CDK6: variants seen among roughly 807,000 people sequenced by gnomAD.
The protein encoded by CDK6 is cyclin dependent kinase 6.
Under a neutral mutation model 37.1 loss-of-function variants are expected in CDK6, and 6 were observed. The observed-to-expected ratio is 0.16, with a 90% CI of 0.09 to 0.32. The LOEUF is 0.32. CDK6 is among the 10% of genes least tolerant of loss of function. CDK6 has a pLI of 1.00. For synonymous variants in CDK6, 160 were observed against 161.3 expected, an observed-to-expected ratio of 0.99 and a Z score of 0.06; for missense variants, 224 against 418.9, an observed-to-expected ratio of 0.53 and a Z score of 4.06.
chr7:92,664,079 T>C (rs1274621510), intron 5 of CDK6, among the ~76,000 whole-genome samples: 1 of 151,804 alleles, frequency 6.6e-6, no homozygotes, highest in Non-Finnish European at 1.5e-5. Flanking sequence ...AGGCGGAACT[T>C]GCAGTGAGCC....
In CDK6 at chr7:92,611,700, T is replaced by C. The variant is rs544309707; in HGVS notation, c.*3440A>G. Reference sequence around the variant, plus strand: ...ACATTCTGGAGAGTCAAACTATACATTTCTCTATAGAAAAGAAACATGCTT... The same window carrying C: ...ACATTCTGGAGAGTCAAACTATACACTTCTCTATAGAAAAGAAACATGCTT... On this transcript the variant is annotated 3_prime_UTR_variant, in exon 8 of 8. Coordinates refer to ENST00000424848, the MANE Select transcript of CDK6 (RefSeq NM_001145306.2). The C allele has an allele frequency of 3.5e-4, 80 of 229,432 alleles. No homozygotes were observed. Among genetic ancestry groups the C allele is most frequent in the African/African-American group, 1.7e-3 (77 of 45,292 alleles). The allele number at this position is 229,432 out of a possible 1,614,324, so 14.2% of individuals were successfully genotyped here. A position where few individuals can be genotyped will look rare whatever the true frequency, so the allele number is the denominator to read the frequency against.
chr7:92,641,952 C>T lies in CDK6; in HGVS notation c.648-18866G>A, dbSNP rs555773317. Among the ~76,000 whole-genome samples the T allele has an allele frequency of 2.0e-5, 3 of 152,256 alleles. No individual in the cohort carries two copies. In the East Asian group the frequency reaches 5.8e-4, roughly 29 times the overall value. Reference sequence around the variant, plus strand: ...TCACAGCCAAATGTCTCTGTCTTGCCCCTTAGAAAACTGCATAGAAGAATG... The same window carrying T: ...TCACAGCCAAATGTCTCTGTCTTGCTCCTTAGAAAACTGCATAGAAGAATG... On this transcript the variant is annotated intron_variant, in intron 5 of 7. Coordinates refer to ENST00000424848, the MANE Select transcript of CDK6 (RefSeq NM_001145306.2).
intron 3 of CDK6, among the ~76,000 whole-genome samples, chr7:92,762,328 C>A (rs972712437): frequency 1.3e-5 from 2 of 151,870 alleles, no homozygotes; most frequent in African/African-American, 4.9e-5. Flanking sequence ...CCTATTTCTT[C>A]CCTATTCTTG....
chr7:92,625,700 G>A (rs1405542735), intron 5 of CDK6, among the ~76,000 whole-genome samples: 1 of 152,010 alleles, frequency 6.6e-6, no homozygotes, highest in Non-Finnish European at 1.5e-5. Context: ...GATATCATTT[G>A]TAATCTCAGT....
intron 2 of CDK6, among the ~76,000 whole-genome samples, chr7:92,800,768 G>C (rs1052541639): frequency 2.0e-5 from 3 of 152,152 alleles, no homozygotes; most frequent in Admixed American, 1.3e-4. Context: ...CTAATATGTA[G>C]CTGGATATCC....
At chr7:92,762,656 C>G (rs747934809) in intron 3 of CDK6, among the ~76,000 whole-genome samples, 40 of 151,914 alleles carry the variant, frequency 2.6e-4, no homozygotes, top group South Asian at 1.9e-3. Context: ...CAACCTCTGC[C>G]TCCCGGATTC....
At chr7:92,627,122 C>T (rs999244801) in intron 5 of CDK6, among the ~76,000 whole-genome samples, 5 of 152,030 alleles carry the variant, frequency 3.3e-5, no homozygotes, top group Non-Finnish European at 5.9e-5. Flanking sequence ...AATGGAATAT[C>T]ACTGAGTCAT....
intron 2 of CDK6, among the ~76,000 whole-genome samples, chr7:92,790,915 A>C (rs1800265616): frequency 6.6e-6 from 1 of 152,136 alleles, no homozygotes; most frequent in South Asian, 2.1e-4. Context: ...ATTGGAGAGA[A>C]ACTTTGTATG....
chr7:92,723,183 A>G (rs1798408030), intron 4 of CDK6, among the ~76,000 whole-genome samples: 1 of 152,204 alleles, frequency 6.6e-6, no homozygotes, highest in South Asian at 2.1e-4. Context: ...CTCAAAAACA[A>G]AAACAAACAA....
chr7:92,742,066 A>G (rs1798937143), intron 3 of CDK6, among the ~76,000 whole-genome samples: 1 of 152,214 alleles, frequency 6.6e-6, no homozygotes, highest in African/African-American at 2.4e-5. Flanking sequence ...TTTAGAGACA[A>G]ACAATGATAC....
intron 4 of CDK6, among the ~76,000 whole-genome samples, chr7:92,695,604 T>C (rs1797698813): frequency 6.6e-6 from 1 of 152,214 alleles, no homozygotes. Context: ...TTCCTCCCCT[T>C]TCATTGAACA....
At chr7:92,676,705 A>C (rs1418475678) in intron 4 of CDK6, among the ~76,000 whole-genome samples, 1 of 152,234 alleles carries the variant, frequency 6.6e-6, no homozygotes. Context: ...AGAGCAATAC[A>C]AAACTTTCTA....
intron 3 of CDK6, among the ~76,000 whole-genome samples, chr7:92,763,670 C>T (rs1204028176): frequency 3.3e-5 from 5 of 152,236 alleles, no homozygotes; most frequent in African/African-American, 7.2e-5. Flanking sequence ...CACCTGACTT[C>T]ACCTGGGCTT....
intron 4 of CDK6, among the ~76,000 whole-genome samples, chr7:92,721,213 A>G (rs1188165091): frequency 1.3e-5 from 2 of 152,194 alleles, no homozygotes; most frequent in Non-Finnish European, 2.9e-5. Context: ...CATATGCTGC[A>G]AACAGCTGCC....
intron 5 of CDK6, among the ~76,000 whole-genome samples, chr7:92,623,322 G>A (rs558869520): frequency 9.5e-4 from 145 of 152,202 alleles, no homozygotes; most frequent in South Asian, 4.4e-3. Context: ...ACAATCACGG[G>A]CATTCTGTTT....
chr7:92,608,050 G>A lies in CDK6; in HGVS notation c.*7090C>T, dbSNP rs191304750. On this transcript the variant is annotated 3_prime_UTR_variant, in exon 8 of 8. Transcript: ENST00000424848. Reference sequence around the variant, plus strand: ...AAAACTTAAGATTAGAAACTTTCAAGTAAGGGTACAACGGGTATCTTCAGA... The same window carrying A: ...AAAACTTAAGATTAGAAACTTTCAAATAAGGGTACAACGGGTATCTTCAGA... 2.8e-4 allele frequency: 66 copies of A among 233,250 alleles called. 1 individual carries two copies. In the East Asian group the frequency reaches 3.4e-3, roughly 12 times the overall value. The allele number at this position is 233,250 out of a possible 1,614,324, so 14.4% of individuals were successfully genotyped here.
At chr7:92,741,102 T>C (rs528654377) in intron 3 of CDK6, among the ~76,000 whole-genome samples, 3 of 152,286 alleles carry the variant, frequency 2.0e-5, no homozygotes, top group Admixed American at 6.5e-5. Flanking sequence ...ATTAGAGGAA[T>C]AGTTAAATAA....
At chr7:92,680,393 T>C (rs953821364) in intron 4 of CDK6, among the ~76,000 whole-genome samples, 9 of 128,662 alleles carry the variant, frequency 7.0e-5, no homozygotes, top group Admixed American at 2.7e-4. Flanking sequence ...GATCACACCA[T>C]TGCGCTCCAG....
intron 7 of CDK6, among the ~76,000 whole-genome samples, chr7:92,617,847 T>G (rs371916036): frequency 3.2e-4 from 48 of 152,212 alleles, no homozygotes; most frequent in African/African-American, 1.1e-3. Flanking sequence ...GATGGCAGAT[T>G]TAAAAAAATG....
Sources: allele counts gnomAD v4.1 joint callset (sites outside exome capture counted in the v4.1 genomes callset), GRCh38; gene constraint gnomAD v4.1.1; transcripts MANE v1.5; gene names NCBI Gene and HGNC (gene_info 2026-07-23, HGNC 2026-07-21).